IKZF2: variants seen among roughly 807,000 people sequenced by gnomAD.
The protein encoded by IKZF2 is zinc finger protein Helios.
In IKZF2, 15 loss-of-function variants were observed where a neutral mutation model predicts 49.2. The observed-to-expected ratio is 0.30, with a 90% CI of 0.20 to 0.47. The LOEUF (loss-of-function observed/expected upper bound fraction) is 0.47, where lower values mean the gene tolerates loss of function less well. Ranked by LOEUF, IKZF2 falls within the 20% of genes least tolerant of loss-of-function variation. IKZF2 has a pLI of 1.00. For missense variants in IKZF2, 567 were observed against 664.6 expected, an observed-to-expected ratio of 0.85 and a Z score of 1.61; for synonymous variants, 227 against 221.4, an observed-to-expected ratio of 1.03 and a Z score of -0.23.
intron 5 of IKZF2, 148 bp downstream of exon 5, chr2:213,056,685 G>T: frequency 1.1e-6 from 1 of 947,490 alleles, no homozygotes; most frequent in Non-Finnish European, 1.6e-6. Context: ...GCTACTCTCT[G>T]TTTTTCTGCA....
chr2:213,017,699 A>G (rs1335544387), intron 7 of IKZF2, among the ~76,000 whole-genome samples: 2 of 152,084 alleles, frequency 1.3e-5, no homozygotes, highest in African/African-American at 2.4e-5. Context: ...TTATTAGTTC[A>G]CATTTTTGCT....
intron 4 of IKZF2, among the ~76,000 whole-genome samples, chr2:213,066,206 C>CA (rs368838252): frequency 5.9e-5 from 9 of 152,116 alleles, no homozygotes; most frequent in African/African-American, 2.2e-4. Flanking sequence ...CAAAGGGACC[C>CA]ACAAGGATTC....
At chr2:213,015,443 A>G (rs1696466488) in intron 7 of IKZF2, among the ~76,000 whole-genome samples, 1 of 152,084 alleles carries the variant, frequency 6.6e-6, no homozygotes, top group South Asian at 2.1e-4. Context: ...GTCCCAAGAT[A>G]TTATGTATAA....
chr2:212,999,724 G>A lies in IKZF2; in HGVS notation c.*7636C>T, dbSNP rs1694727436. On this transcript the variant is annotated 3_prime_UTR_variant, in exon 9 of 9. Transcript: ENST00000434687. ...TTTTATGTCAGAAGTTTATTTTATT[G>A]GTAAAATATTAAATAATATACAGAA... The A allele has an allele frequency of 6.6e-6, 1 of 152,146 alleles. No individual in the cohort carries two copies. Among genetic ancestry groups the A allele is most frequent in the Non-Finnish European group, 1.5e-5 (1 of 67,846 alleles). 9.4% of individuals were successfully genotyped at this position (152,146 alleles called of 1,614,324 possible).
At chr2:213,083,980 C>T (rs73077249) in intron 4 of IKZF2, among the ~76,000 whole-genome samples, 6,082 of 152,162 alleles carry the variant, frequency 0.04, 260 homozygotes, top group African/African-American at 0.11. Flanking sequence ...CACTAACCCT[C>T]AGGCTGTGGA....
At chr2:213,065,892 T>G (rs9288465) in intron 4 of IKZF2, among the ~76,000 whole-genome samples, 4 of 151,876 alleles carry the variant, frequency 2.6e-5, no homozygotes, top group African/African-American at 9.7e-5. Context: ...CAATCTGATA[T>G]GTTTTTTACT....
At chr2:213,098,037 C>T in intron 4 of IKZF2, 1 of 237,118 alleles carries the variant, frequency 4.2e-6, no homozygotes, top group Non-Finnish European at 8.9e-6. Flanking sequence ...AAAAAAGTCA[C>T]AGAAGTTAGG....
Position 213,064,450 on chromosome 2 carries a change from A to T in IKZF2, c.140-7351T>A, listed in dbSNP as rs116399861. Among the ~76,000 whole-genome samples the T allele has an allele frequency of 7.2e-3, 1,101 of 152,104 alleles. 5 individuals carry two copies. The highest frequency in any genetic ancestry group is 0.013 in the Non-Finnish European group (855 of 67,928). ...AAAATGTAAACGAATGGAGGGCAAAATATCTAACTTCCTGATGATCCTGCA... is the reference window on the plus strand; with the variant it reads ...AAAATGTAAACGAATGGAGGGCAAATTATCTAACTTCCTGATGATCCTGCA... On this transcript the variant is annotated intron_variant, in intron 4 of 8. Transcript: ENST00000434687.
rs150075012 is a variant in IKZF2, at chr2:213,057,103, T to C, written c.140-4A>G. ...ATTTCTAGCTTTACTGAATTTGCTG[T>C]AATTTGAAAAGAAGAAAATAAATTT... On this transcript the variant is annotated splice_polypyrimidine_tract_variant and splice_region_variant and intron_variant, in intron 4 of 8. Transcript: ENST00000434687. 7.6e-4 allele frequency: 1,222 copies of C among 1,608,076 alleles called. 8 individuals are homozygous for C. Among genetic ancestry groups the C allele is most frequent in the East Asian group, 6.3e-3 (281 of 44,782 alleles).
chr2:213,001,378 C>T lies in IKZF2; in HGVS notation c.*5982G>A, dbSNP rs1218328188. 2 of 151,886 alleles carry T rather than the reference C, an allele frequency of 1.3e-5. No individual in the cohort carries two copies. The highest frequency in any genetic ancestry group is 1.3e-4 in the Admixed American group (2 of 15,164). 9.4% of individuals were successfully genotyped at this position (151,886 alleles called of 1,614,324 possible). A position where few individuals can be genotyped will look rare whatever the true frequency, so the allele number is the denominator to read the frequency against. On this transcript the variant is annotated 3_prime_UTR_variant, in exon 9 of 9. Transcript: ENST00000434687. ...TAACTGTCTAGTCTTTCATGATATA[C>T]ATTTTTTGGAGGAAAGCCAAATCAG...
In IKZF2 at chr2:213,147,451, C is replaced by A. The variant is rs557220477; in HGVS notation, c.139+257G>T. On this transcript the variant is annotated intron_variant, in intron 4 of 8. Coordinates refer to ENST00000434687, the MANE Select transcript of IKZF2 (RefSeq NM_001387220.1). ...CCTGGCAAGTCAAAACAACAACCAG[C>A]AAATTCTAACCTTTCTTACCTGATA... 7.0e-5 allele frequency: 40 copies of A among 568,606 alleles called. No homozygotes were observed. In the African/African-American group the frequency reaches 7.3e-4, roughly 10 times the overall value. 35.2% of individuals were successfully genotyped at this position (568,606 alleles called of 1,614,324 possible).
chr2:213,068,953 C>T (rs1314488584), intron 4 of IKZF2, among the ~76,000 whole-genome samples: 2 of 122,360 alleles, frequency 1.6e-5, no homozygotes, highest in Non-Finnish European at 3.6e-5. Flanking sequence ...ACACAACATA[C>T]TCAAAACTTT....
intron 4 of IKZF2, among the ~76,000 whole-genome samples, chr2:213,116,915 T>C (rs1044092017): frequency 1.3e-5 from 2 of 152,168 alleles, no homozygotes; most frequent in Admixed American, 6.5e-5. Flanking sequence ...ATATAATTTA[T>C]AAAAATCACA....
Position 213,007,227 on chromosome 2 carries a change from G to T in IKZF2, c.*133C>A, listed in dbSNP as rs547474500. The T allele has an allele frequency of 5.6e-5, 54 of 970,228 alleles. No homozygotes were observed. The East Asian group carries it at 1.3e-3, about 24-fold the overall frequency. The allele number at this position is 970,228 out of a possible 1,614,324, so 60.1% of individuals were successfully genotyped here. A position where few individuals can be genotyped will look rare whatever the true frequency, so the allele number is the denominator to read the frequency against. ...AAATGACACTGCCTCCACAAAATAA[G>T]AATTATCAACAGTAATAATATTAAA... On this transcript the variant is annotated 3_prime_UTR_variant, in exon 9 of 9. Transcript: ENST00000434687.
At chr2:213,143,864 T>C (rs898355292) in intron 4 of IKZF2, among the ~76,000 whole-genome samples, 1 of 151,910 alleles carries the variant, frequency 6.6e-6, no homozygotes, top group Non-Finnish European at 1.5e-5. Context: ...GTCACAAAAA[T>C]ATGGGCCAGT....
chr2:213,006,242 G>T lies in IKZF2; in HGVS notation c.*1118C>A, dbSNP rs1230624475. 6.6e-6 allele frequency: 1 copy of T among 152,250 alleles called. No individual in the cohort carries two copies. The highest frequency in any genetic ancestry group is 1.5e-5 in the Non-Finnish European group (1 of 67,960). The allele number at this position is 152,250 out of a possible 1,614,324, so 9.4% of individuals were successfully genotyped here. On this transcript the variant is annotated 3_prime_UTR_variant, in exon 9 of 9. Transcript: ENST00000434687. ...GGAAGACTTTTAAGACCTTCTACTCGAAGAGTAAAGGATGAATGAACTATG... is the reference window on the plus strand; with the variant it reads ...GGAAGACTTTTAAGACCTTCTACTCTAAGAGTAAAGGATGAATGAACTATG...
At chr2:213,019,798 G>C (rs1697008124) in intron 7 of IKZF2, among the ~76,000 whole-genome samples, 1 of 152,132 alleles carries the variant, frequency 6.6e-6, no homozygotes, top group South Asian at 2.1e-4. Context: ...GCCTACGGAG[G>C]GCTAAGCAAT....
intron 4 of IKZF2, among the ~76,000 whole-genome samples, chr2:213,124,874 G>T (rs1045037699): frequency 6.6e-6 from 1 of 152,120 alleles, no homozygotes; most frequent in Admixed American, 6.5e-5. Context: ...CCTGCACAAG[G>T]TATCTATTCC....
intron 5 of IKZF2, among the ~76,000 whole-genome samples, chr2:213,056,029 C>T (rs904502414): frequency 7.2e-5 from 11 of 151,944 alleles, no homozygotes; most frequent in African/African-American, 1.9e-4. Flanking sequence ...TAAGAGTCAA[C>T]GATCCTCCTA....
Sources: gnomAD v4.1 joint callset for allele counts (sites outside exome capture counted in the v4.1 genomes callset) on GRCh38, gnomAD v4.1.1 for gene constraint, MANE v1.5 for transcripts, NCBI Gene and HGNC (gene_info 2026-07-23, HGNC 2026-07-21) for gene names.